The following MANBA variants were observed in gnomAD, a reference collection of about 807,000 sequenced individuals.
MANBA encodes the protein mannosidase beta.
Under a neutral mutation model 111.1 loss-of-function variants are expected in MANBA, and 83 were observed. That is an observed-to-expected ratio of 0.75 (90% confidence interval 0.63 to 0.90). MANBA has a LOEUF of 0.90. MANBA is among the 40% of genes least tolerant of loss of function. The pLI, the probability that MANBA is intolerant of heterozygous loss-of-function variation, is 0.00. For synonymous variants in MANBA, 370 were observed against 378.7 expected, an observed-to-expected ratio of 0.98 and a Z score of 0.27; for missense variants, 1,036 against 1,069.0, an observed-to-expected ratio of 0.97 and a Z score of 0.43.
chr4:102,723,141 A>C, intron 3 of MANBA, 100 bp from the exon 4 acceptor site: 1 of 1,050,836 alleles, frequency 9.5e-7, no homozygotes, highest in Non-Finnish European at 1.4e-6. Flanking sequence ...ACATAATATA[A>C]TGCCGATCTA....
chr4:102,702,897 C>A (rs953689622), intron 5 of MANBA, among the ~76,000 whole-genome samples: 2 of 152,264 alleles, frequency 1.3e-5, no homozygotes, highest in South Asian at 4.1e-4. Context: ...AGGGGGAAGG[C>A]AGAAAGTGTC....
intron 7 of MANBA, among the ~76,000 whole-genome samples, chr4:102,681,840 G>T (rs1459714274): frequency 1.3e-5 from 2 of 152,096 alleles, no homozygotes; most frequent in Non-Finnish European, 2.9e-5. Flanking sequence ...ATCCGGGAAT[G>T]ACTGTATAAC....
At chr4:102,741,052 G>T (rs574459078) in intron 1 of MANBA, among the ~76,000 whole-genome samples, 2 of 152,098 alleles carry the variant, frequency 1.3e-5, no homozygotes, top group Non-Finnish European at 2.9e-5. Flanking sequence ...CTATGCAGCC[G>T]ACAAAGGACT....
At chr4:102,719,460 C>CACAT (rs1722479957) in intron 4 of MANBA, among the ~76,000 whole-genome samples, 1 of 152,140 alleles carries the variant, frequency 6.6e-6, no homozygotes, top group Admixed American at 6.5e-5. Flanking sequence ...TGTTCAAACA[C>CACAT]ACATGTTCTA....
At chr4:102,680,368 C>T (rs747166798) in intron 7 of MANBA, among the ~76,000 whole-genome samples, 6 of 151,974 alleles carry the variant, frequency 3.9e-5, no homozygotes, top group Admixed American at 2.6e-4. Context: ...GAGAGAAAAC[C>T]GCACACAGCA....
chr4:102,721,214 C>T (rs1722555768), intron 4 of MANBA, among the ~76,000 whole-genome samples: 1 of 152,138 alleles, frequency 6.6e-6, no homozygotes, highest in South Asian at 2.1e-4. Flanking sequence ...ATCCCAGCTA[C>T]TCAGGGGGCT....
At chr4:102,712,410 T>C (rs1408644424) in intron 5 of MANBA, among the ~76,000 whole-genome samples, 2 of 152,212 alleles carry the variant, frequency 1.3e-5, no homozygotes, top group Non-Finnish European at 2.9e-5. Flanking sequence ...AGCAGTATTA[T>C]TCAAATTTTT....
chr4:102,721,329 C>CATACATAAATAAATAAATAAATAA (rs71596361), intron 4 of MANBA, among the ~76,000 whole-genome samples: 10 of 151,012 alleles, frequency 6.6e-5, no homozygotes, highest in African/African-American at 2.5e-4. Flanking sequence ...ATCTCAAATA[C>CATACATAAATAAATAAATAAATAA]ATAAATAAAT....
intron 4 of MANBA, among the ~76,000 whole-genome samples, chr4:102,721,112 T>A (rs1722550483): frequency 6.6e-6 from 1 of 152,046 alleles, no homozygotes; most frequent in African/African-American, 2.4e-5. Context: ...TCACCTGAGG[T>A]CAGGAGTTCA....
intron 5 of MANBA, among the ~76,000 whole-genome samples, chr4:102,707,943 C>G (rs2110265926): frequency 6.6e-6 from 1 of 152,196 alleles, no homozygotes; most frequent in Admixed American, 6.5e-5. Context: ...ATAAAATGAT[C>G]AAATCCACAA....
At chr4:102,752,096 G>T in intron 1 of MANBA, 1 of 761,100 alleles carries the variant, frequency 1.3e-6, no homozygotes, top group Non-Finnish European at 2.5e-6. Flanking sequence ...TCCACAAATC[G>T]ACAGAGAACA....
intron 5 of MANBA, among the ~76,000 whole-genome samples, chr4:102,696,594 G>C (rs1732718993): frequency 6.6e-6 from 1 of 152,198 alleles, no homozygotes; most frequent in African/African-American, 2.4e-5. Context: ...GGCAGTGAAA[G>C]TTCAGAGGCA....
At chr4:102,727,578 T>C (rs1451597502) in intron 1 of MANBA, 6 of 1,606,138 alleles carry the variant, frequency 3.7e-6, no homozygotes, top group East Asian at 4.5e-5. Flanking sequence ...ACGAGAGCAA[T>C]GGGTAATTGA....
At chr4:102,669,839 G>A (rs895536771) in intron 9 of MANBA, among the ~76,000 whole-genome samples, 8 of 152,160 alleles carry the variant, frequency 5.3e-5, no homozygotes, top group African/African-American at 1.9e-4. Context: ...AATTAGCCGG[G>A]CAAGGTGGTG....
chr4:102,751,587 C>T (rs374319002), intron 1 of MANBA: 83 of 538,676 alleles, frequency 1.5e-4, no homozygotes, highest in African/African-American at 1.3e-3. Context: ...CCAGTTTCTG[C>T]GAATGTCCTT....
chr4:102,749,019 G>A (rs576994413), intron 1 of MANBA, among the ~76,000 whole-genome samples: 3 of 151,954 alleles, frequency 2.0e-5, no homozygotes, highest in Admixed American at 2.0e-4. Flanking sequence ...AATGAGCTAG[G>A]TTGATAGCGG....
intron 8 of MANBA, chr4:102,672,120 G>C: frequency 2.5e-6 from 1 of 398,646 alleles, no homozygotes; most frequent in Non-Finnish European, 4.4e-6. Flanking sequence ...GCTGTGTCTG[G>C]AGAAGAATTT....
At chr4:102,697,900 A>G (rs1048196720) in intron 5 of MANBA, among the ~76,000 whole-genome samples, 1 of 152,012 alleles carries the variant, frequency 6.6e-6, no homozygotes, top group African/African-American at 2.4e-5. Context: ...GTCAAATGGT[A>G]TTTCTAGTTC....
chr4:102,689,348 C>CAAAAAA (rs35110858), intron 7 of MANBA, among the ~76,000 whole-genome samples: 13 of 130,460 alleles, frequency 1.0e-4, no homozygotes, highest in African/African-American at 3.8e-4. Context: ...GACTCTGTCT[C>CAAAAAA]AAAAAAAAAA....
Sources: allele counts gnomAD v4.1 joint callset (sites outside exome capture counted in the v4.1 genomes callset), GRCh38; gene constraint gnomAD v4.1.1; transcripts MANE v1.5; gene names NCBI Gene and HGNC (gene_info 2026-07-23, HGNC 2026-07-21).